The following PRKN variants were observed in gnomAD, a reference collection of about 807,000 sequenced individuals.
The protein encoded by PRKN is E3 ubiquitin-protein ligase parkin.
Under a neutral mutation model 59.5 loss-of-function variants are expected in PRKN, and 56 were observed. That is an observed-to-expected ratio of 0.94 (90% confidence interval 0.76 to 1.18). PRKN has a LOEUF of 1.18. Ranked by LOEUF, PRKN falls within the 50% of genes most tolerant of loss-of-function variation. The pLI, the probability that PRKN is intolerant of heterozygous loss-of-function variation, is 0.00. For missense variants in PRKN, 657 were observed against 596.4 expected, an observed-to-expected ratio of 1.10 and a Z score of -1.06; for synonymous variants, 250 against 222.1, an observed-to-expected ratio of 1.13 and a Z score of -1.12.
intron 5 of PRKN, among the ~76,000 whole-genome samples, chr6:162,040,554 C>A (rs1392322543): frequency 2.0e-5 from 3 of 150,888 alleles, no homozygotes; most frequent in Admixed American, 6.6e-5. Context: ...ATACAGGCGC[C>A]CACCACCATG....
At chr6:161,956,778 G>C (rs955464464) in intron 6 of PRKN, among the ~76,000 whole-genome samples, 1 of 152,104 alleles carries the variant, frequency 6.6e-6, no homozygotes, top group African/African-American at 2.4e-5. Flanking sequence ...AAAAACCAAT[G>C]TGTGTGATGG....
intron 3 of PRKN, among the ~76,000 whole-genome samples, chr6:162,236,862 G>C (rs578026848): frequency 6.6e-6 from 1 of 150,988 alleles, no homozygotes; most frequent in Non-Finnish European, 1.5e-5. Context: ...AGGAAGGAAA[G>C]AGAGAGAAAG....
intron 7 of PRKN, among the ~76,000 whole-genome samples, chr6:161,700,164 C>G (rs1028352103): frequency 5.3e-5 from 8 of 151,910 alleles, no homozygotes; most frequent in Non-Finnish European, 5.9e-5. Context: ...GCCTGTTTGG[C>G]CCTCGTTTAC....
intron 9 of PRKN, among the ~76,000 whole-genome samples, chr6:161,514,948 A>C (rs1414673664): frequency 6.6e-6 from 1 of 152,168 alleles, no homozygotes; most frequent in Non-Finnish European, 1.5e-5. Context: ...AGCAGCACTG[A>C]ACTTTGAGGT....
intron 2 of PRKN, among the ~76,000 whole-genome samples, chr6:162,263,678 C>T (rs1029289538): frequency 6.6e-6 from 1 of 152,182 alleles, no homozygotes; most frequent in Non-Finnish European, 1.5e-5. Flanking sequence ...ATAGGGCCGG[C>T]CGCGGTGGCT....
chr6:162,652,392 G>A (rs1778478273), intron 1 of PRKN, among the ~76,000 whole-genome samples: 1 of 152,082 alleles, frequency 6.6e-6, no homozygotes, highest in Non-Finnish European at 1.5e-5. Flanking sequence ...CACAAGTGTT[G>A]TATCAGTTAA....
intron 2 of PRKN, 97 bp from the exon 3 acceptor site, chr6:162,262,862 A>T: frequency 6.6e-7 from 1 of 1,506,950 alleles, no homozygotes; most frequent in South Asian, 1.2e-5. Context: ...GGTAGAAGGG[A>T]AGCAAAAGTG....
At chr6:161,425,893 T>C (rs1353869560) in intron 9 of PRKN, among the ~76,000 whole-genome samples, 1 of 152,114 alleles carries the variant, frequency 6.6e-6, no homozygotes, top group African/African-American at 2.4e-5. Flanking sequence ...TAATAGCTCA[T>C]GTTGGGCCCA....
chr6:161,825,152 TAA>T (rs1792187181), intron 6 of PRKN, among the ~76,000 whole-genome samples: 1 of 151,952 alleles, frequency 6.6e-6, no homozygotes. Flanking sequence ...AGCAATACAA[TAA>T]AAGTCATATG....
chr6:161,712,978 C>G (rs1009247705), intron 7 of PRKN, among the ~76,000 whole-genome samples: 4 of 152,038 alleles, frequency 2.6e-5, no homozygotes. Flanking sequence ...AGCATCAGAT[C>G]CCACAGATTG....
At chr6:162,322,353 T>G (rs1225987914) in intron 2 of PRKN, among the ~76,000 whole-genome samples, 1 of 152,094 alleles carries the variant, frequency 6.6e-6, no homozygotes, top group Non-Finnish European at 1.5e-5. Context: ...AGACGTAACA[T>G]TATTAAAATG....
At chr6:162,460,620 A>C (rs1791104912) in intron 1 of PRKN, among the ~76,000 whole-genome samples, 1 of 152,208 alleles carries the variant, frequency 6.6e-6, no homozygotes, top group South Asian at 2.1e-4. Flanking sequence ...AGTACTTGGC[A>C]AAACACTGTG....
chr6:162,159,007 C>T (rs542160131), intron 4 of PRKN, among the ~76,000 whole-genome samples: 4 of 152,080 alleles, frequency 2.6e-5, no homozygotes, highest in East Asian at 1.9e-4. Flanking sequence ...ATCCACATAA[C>T]GCTAACCCTA....
chr6:162,660,278 C>A (rs980828644), intron 1 of PRKN, among the ~76,000 whole-genome samples: 1 of 152,162 alleles, frequency 6.6e-6, no homozygotes, highest in Non-Finnish European at 1.5e-5. Flanking sequence ...CCCCTTGTTT[C>A]AATCACAATT....
At chr6:161,709,680 C>T (rs1349307640) in intron 7 of PRKN, among the ~76,000 whole-genome samples, 1 of 152,154 alleles carries the variant, frequency 6.6e-6, no homozygotes, top group East Asian at 1.9e-4. Flanking sequence ...AACACTTCAC[C>T]TGTTATTTCC....
intron 3 of PRKN, among the ~76,000 whole-genome samples, chr6:162,215,956 T>C (rs867861994): frequency 2.6e-5 from 4 of 151,916 alleles, no homozygotes; most frequent in Non-Finnish European, 5.9e-5. Context: ...GGCAGGAGAA[T>C]TGCTTGAACC....
intron 7 of PRKN, among the ~76,000 whole-genome samples, chr6:161,749,811 T>A (rs1788599567): frequency 6.6e-6 from 1 of 152,020 alleles, no homozygotes; most frequent in Admixed American, 6.6e-5. Flanking sequence ...CCATAAATTC[T>A]CCTTGTACTC....
chr6:162,329,188 G>A (rs1031530111), intron 2 of PRKN, among the ~76,000 whole-genome samples: 3 of 152,100 alleles, frequency 2.0e-5, no homozygotes, highest in African/African-American at 4.8e-5. Context: ...TTTCTTAAGG[G>A]TAGAACAGCT....
At chr6:161,435,003 G>A (rs1238321851) in intron 9 of PRKN, among the ~76,000 whole-genome samples, 1 of 152,152 alleles carries the variant, frequency 6.6e-6, no homozygotes, top group Admixed American at 6.5e-5. Context: ...CCTTTGCCCG[G>A]CATGATCTTG....
Sources: allele counts gnomAD v4.1 joint callset (sites outside exome capture counted in the v4.1 genomes callset), GRCh38; gene constraint gnomAD v4.1.1; transcripts MANE v1.5; gene names NCBI Gene and HGNC (gene_info 2026-07-23, HGNC 2026-07-21).